SGCD: variants seen among roughly 807,000 people sequenced by gnomAD.
SGCD encodes the protein delta-sarcoglycan.
A neutral mutation model predicts 36.6 loss-of-function variants in SGCD; 18 were observed. That is an observed-to-expected ratio of 0.49 (90% confidence interval 0.34 to 0.73). The LOEUF (loss-of-function observed/expected upper bound fraction) is 0.73. SGCD is among the 30% of genes least tolerant of loss of function. The pLI, the probability that SGCD is intolerant of heterozygous loss-of-function variation, is 0.01. For synonymous variants in SGCD, 133 were observed against 130.6 expected (o/e 1.02, Z -0.12); for missense variants, 387 against 346.7 (o/e 1.12, Z -0.92).
At chr5:156,323,130 CAT>C (rs1351139258), upstream of SGCD, among the ~76,000 whole-genome samples, 1 of 152,148 alleles carries the variant, frequency 6.6e-6, no homozygotes, top group East Asian at 1.9e-4. Context: ...TAGCACCTGT[CAT>C]AGAGTGGTCC....
At chr5:156,013,783 T>C (rs1289003350) in intron 1 of SGCD, among the ~76,000 whole-genome samples, 1 of 152,172 alleles carries the variant, frequency 6.6e-6, no homozygotes, top group African/African-American at 2.4e-5. Context: ...ATTTATGGTA[T>C]TTTTTACATA....
At chr5:155,812,105 G>C in the SGCD span, among the ~76,000 whole-genome samples, 3 of 152,190 alleles carry the variant, frequency 2.0e-5, no homozygotes, top group South Asian at 6.2e-4. Context: ...CGTGAAGCTA[G>C]ACAACCGGTT....
chr5:155,855,213 C>T, the SGCD span, among the ~76,000 whole-genome samples: 5 of 152,126 alleles, frequency 3.3e-5, no homozygotes, highest in African/African-American at 1.2e-4. Context: ...AATCAGCACC[C>T]CCCTCGGCAA....
intron 1 of SGCD, among the ~76,000 whole-genome samples, chr5:156,084,549 T>G (rs76890297): frequency 2.0e-5 from 3 of 151,956 alleles, no homozygotes; most frequent in Non-Finnish European, 4.4e-5. Flanking sequence ...GTTTATCTTA[T>G]AATCTGTGAA....
rs373959174 is a variant in SGCD at position 156,720,202 on chromosome 5, G to A, written c.576-37379G>A. Among the ~76,000 whole-genome samples the A allele has an allele frequency of 4.4e-4, 67 of 152,308 alleles. 1 individual carries two copies. The highest frequency in any genetic ancestry group is 1.5e-3 in the African/African-American group (61 of 41,578). ...AGCATCAATTCAACAAATGGATATTGAGCACCAATTATGGGGAAAGGAGAT... is the reference window on the plus strand; with the variant it reads ...AGCATCAATTCAACAAATGGATATTAAGCACCAATTATGGGGAAAGGAGAT... On this transcript the variant is annotated intron_variant, in intron 7 of 8. Transcript: ENST00000337851.
intron 4 of SGCD, among the ~76,000 whole-genome samples, chr5:156,564,340 C>T (rs1337446557): frequency 6.6e-6 from 1 of 152,074 alleles, no homozygotes; most frequent in Non-Finnish European, 1.5e-5. Flanking sequence ...GTCTCAGCTA[C>T]TCGGGAGGCT....
rs1233357110 is a variant in SGCD, at chr5:156,256,738, G to T, written c.-43-72796G>T. Among the ~76,000 whole-genome samples the T allele has an allele frequency of 3.3e-5, 5 of 152,182 alleles. No homozygotes were observed. In the East Asian group the frequency reaches 9.6e-4, roughly 29 times the overall value. On this transcript the variant is annotated intron_variant, in intron 3 of 9. Transcript: ENST00000517913. ...TTTGCTTAGACTTTAAACCATGATT[G>T]TCAGAATATAATCTGTGGATCTCTG...
intron 3 of SGCD, among the ~76,000 whole-genome samples, chr5:156,403,842 T>C (rs929271372): frequency 3.3e-4 from 31 of 93,462 alleles, no homozygotes; most frequent in Non-Finnish European, 6.4e-4. Context: ...TATTTTTTTT[T>C]CTTTTTTTTT....
the SGCD span, among the ~76,000 whole-genome samples, chr5:155,814,249 T>C: frequency 6.6e-6 from 1 of 152,234 alleles, no homozygotes; most frequent in Non-Finnish European, 1.5e-5. Context: ...AGTTTTCTTG[T>C]TTGCTCTTTC....
At chr5:156,257,941 T>G (rs2127663865) in intron 3 of SGCD, among the ~76,000 whole-genome samples, 1 of 152,348 alleles carries the variant, frequency 6.6e-6, no homozygotes, top group Admixed American at 6.5e-5. Flanking sequence ...ATTTAAACTC[T>G]TAAGTATTCA....
At chr5:156,655,439 T>C (rs748040375) in intron 7 of SGCD, among the ~76,000 whole-genome samples, 6 of 152,154 alleles carry the variant, frequency 3.9e-5, no homozygotes, top group Non-Finnish European at 5.9e-5. Context: ...CAGTTTTGGT[T>C]CATTGCCTTT....
chr5:156,382,834 AAC>A (rs1208256178), intron 3 of SGCD, among the ~76,000 whole-genome samples: 1 of 152,214 alleles, frequency 6.6e-6, no homozygotes, highest in East Asian at 1.9e-4. Flanking sequence ...TTCAGAAAAA[AAC>A]AGTTATTAGA....
chr5:156,672,214 A>G (rs1316957676), intron 7 of SGCD, among the ~76,000 whole-genome samples: 1 of 152,126 alleles, frequency 6.6e-6, no homozygotes, highest in African/African-American at 2.4e-5. Flanking sequence ...TATTGTTCAT[A>G]TTGGAGTGTT....
At chr5:155,746,439 C>T in the SGCD span, among the ~76,000 whole-genome samples, 6 of 152,004 alleles carry the variant, frequency 3.9e-5, no homozygotes, top group Admixed American at 2.0e-4. Flanking sequence ...CAGTAGCAGC[C>T]AGGGTTATGT....
intron 4 of SGCD, among the ~76,000 whole-genome samples, chr5:156,530,568 CT>C (rs902932270): frequency 2.7e-4 from 40 of 146,178 alleles, no homozygotes; most frequent in African/African-American, 5.0e-4. Flanking sequence ...TTTTCTTTTC[CT>C]TTTTTTTTTC....
At chr5:156,582,949 G>T (rs1032027408) in intron 4 of SGCD, among the ~76,000 whole-genome samples, 2 of 152,156 alleles carry the variant, frequency 1.3e-5, no homozygotes, top group Non-Finnish European at 2.9e-5. Context: ...TTACCTTTAA[G>T]TTAACAATTG....
intron 3 of SGCD, among the ~76,000 whole-genome samples, chr5:156,431,704 T>A (rs1442289873): frequency 1.3e-5 from 2 of 152,044 alleles, no homozygotes; most frequent in Non-Finnish European, 2.9e-5. Context: ...CTGCAATGAT[T>A]GTTTTGTTTT....
chr5:156,228,409 T>G (rs1182504139), intron 3 of SGCD, among the ~76,000 whole-genome samples: 3 of 152,194 alleles, frequency 2.0e-5, no homozygotes, highest in Non-Finnish European at 4.4e-5. Flanking sequence ...CTTTGTCTTT[T>G]TAAACTGCTA....
intron 3 of SGCD, among the ~76,000 whole-genome samples, chr5:156,391,177 A>G (rs1771540806): frequency 6.6e-6 from 1 of 152,262 alleles, no homozygotes; most frequent in Non-Finnish European, 1.5e-5. Context: ...TAGATACACA[A>G]AAACTTCCCA....
Sources: allele counts gnomAD v4.1 joint callset (sites outside exome capture counted in the v4.1 genomes callset), GRCh38; gene constraint gnomAD v4.1.1; transcripts MANE v1.5; gene names NCBI Gene and HGNC (gene_info 2026-07-23, HGNC 2026-07-21).